The following DIDO1 variants were observed in gnomAD, a reference collection of about 807,000 sequenced individuals.
DIDO1 encodes death-inducer obliterator 1.
DIDO1 carries 16 observed loss-of-function variants against 99.4 expected under a neutral mutation model. The ratio of observed to expected loss-of-function variants is 0.16; its 90% CI spans 0.11 to 0.24. The LOEUF (loss-of-function observed/expected upper bound fraction) is 0.24, where lower values mean the gene tolerates loss of function less well. DIDO1 is among the 10% of genes least tolerant of loss of function. The pLI is 1.00. For missense variants in DIDO1, 2,996 were observed against 3,014.0 expected (o/e 0.99, Z 0.14); for synonymous variants, 1,366 against 1,239.1 (o/e 1.10, Z -2.15).
intron 6 of DIDO1, among the ~76,000 whole-genome samples, chr20:62,899,001 G>C (rs961191685): frequency 6.6e-6 from 1 of 152,134 alleles, no homozygotes; most frequent in South Asian, 2.1e-4. Flanking sequence ...ATAAAAATCA[G>C]TGGAGGCCCT....
At chr20:62,916,744 T>C (rs1361846934) in intron 1 of DIDO1, among the ~76,000 whole-genome samples, 1 of 152,188 alleles carries the variant, frequency 6.6e-6, no homozygotes, top group Non-Finnish European at 1.5e-5. Flanking sequence ...CTCACACAGA[T>C]AGGTCTTTAG....
At chr20:62,922,737 G>A (rs1415112856) in intron 1 of DIDO1, among the ~76,000 whole-genome samples, 1 of 152,212 alleles carries the variant, frequency 6.6e-6, no homozygotes, top group Non-Finnish European at 1.5e-5. Context: ...GTGCTGGCGA[G>A]GGCTTGGAGA....
Position 62,911,295 on chromosome 20 carries a change from G to A in DIDO1, c.318C>T (p.Asp106=), listed in dbSNP as rs200713209. 4.5e-4 allele frequency: 720 copies of A among 1,611,396 alleles called. 14 individuals are homozygous for A. In the South Asian group the frequency reaches 7.4e-3, roughly 17 times the overall value. Residue 106 remains aspartate (D), a synonymous_variant, in exon 3 of 16, where the codon GAC becomes GAT. Coordinates refer to ENST00000395343, the MANE Select transcript of DIDO1 (RefSeq NM_001193369.2). The surrounding 1 kb of genome is among the most constrained non-coding windows in gnomAD (Gnocchi z 7.0). The part of the protein sequence containing the change: ...SGEPTSCPAT[D]AETASEGSVE... Reference sequence around the variant, plus strand: ...CGCTGCCCTCGGAGGCTGTCTCGGCGTCTGTGGCGGGGCAGGACGTGGGCT... The same window carrying A: ...CGCTGCCCTCGGAGGCTGTCTCGGCATCTGTGGCGGGGCAGGACGTGGGCT...
chr20:62,890,729 T>C (rs1379427521), intron 15 of DIDO1: 1 of 1,388,658 alleles, frequency 7.2e-7, no homozygotes, highest in Admixed American at 3.0e-5. Context: ...TGTGGGTTTT[T>C]CCCTCTCTAA....
chr20:62,926,893 G>T (rs1181384158), upstream of DIDO1, among the ~76,000 whole-genome samples: 1 of 152,164 alleles, frequency 6.6e-6, no homozygotes. Context: ...GGCTAAATTT[G>T]TAAGAGGTGT....
At chr20:62,916,801 C>G (rs1431963828) in intron 1 of DIDO1, among the ~76,000 whole-genome samples, 1 of 152,202 alleles carries the variant, frequency 6.6e-6, no homozygotes. Flanking sequence ...TTCACTGATA[C>G]TACACCAACT....
intron 1 of DIDO1, among the ~76,000 whole-genome samples, chr20:62,921,891 CTA>C (rs1430631482): frequency 3.4e-5 from 5 of 148,688 alleles, no homozygotes; most frequent in South Asian, 2.1e-4. Context: ...TATATACACA[CTA>C]TATATATATC....
intron 15 of DIDO1, 134 bp from the exon 16 acceptor site, chr20:62,882,548 C>T (rs1451763407): frequency 1.1e-6 from 1 of 902,798 alleles, no homozygotes; most frequent in Non-Finnish European, 1.6e-6. Flanking sequence ...AAAATAAGAT[C>T]AAGTGTCAAG....
At chr20:62,930,605 G>A (rs1399793440), upstream of DIDO1, among the ~76,000 whole-genome samples, 1 of 152,216 alleles carries the variant, frequency 6.6e-6, no homozygotes, top group Non-Finnish European at 1.5e-5. Context: ...AGGAAAAAGG[G>A]AGGGAAATGA....
chr20:62,928,018 AC>A (rs1648208263), upstream of DIDO1, among the ~76,000 whole-genome samples: 9 of 152,304 alleles, frequency 5.9e-5, no homozygotes, highest in South Asian at 1.9e-3. Context: ...AGGAGGGCTC[AC>A]ATGCTGAGGC....
At chr20:62,889,221 CT>C (rs2064350185) in intron 15 of DIDO1, 13 of 985,488 alleles carry the variant, frequency 1.3e-5, no homozygotes, top group Non-Finnish European at 1.6e-5. Context: ...TGTCCTTTCC[CT>C]CTGCCCCGGG....
chr20:62,916,081 A>G (rs2065032037), intron 1 of DIDO1, among the ~76,000 whole-genome samples: 1 of 152,250 alleles, frequency 6.6e-6, no homozygotes, highest in Non-Finnish European at 1.5e-5. Flanking sequence ...ATGTATATCA[A>G]GGCACAAGCA....
intron 6 of DIDO1, among the ~76,000 whole-genome samples, chr20:62,901,951 G>A (rs536280112): frequency 3.5e-4 from 53 of 152,032 alleles, no homozygotes; most frequent in African/African-American, 1.3e-3. Context: ...CGAGAATGCC[G>A]AGGAGGCTTT....
chr20:62,916,949 T>C (rs1293622857), intron 1 of DIDO1, among the ~76,000 whole-genome samples: 1 of 152,252 alleles, frequency 6.6e-6, no homozygotes, highest in Admixed American at 6.5e-5. Context: ...CCCATGTGCA[T>C]GCTGTTCACC....
At chr20:62,930,939 G>A (rs1247842420), upstream of DIDO1, among the ~76,000 whole-genome samples, 2 of 152,160 alleles carry the variant, frequency 1.3e-5, no homozygotes, top group African/African-American at 4.8e-5. Flanking sequence ...ATGAGCTGCA[G>A]TTTGTGTTGT....
intron 1 of DIDO1, among the ~76,000 whole-genome samples, chr20:62,915,541 T>G (rs2147528414): frequency 6.6e-6 from 1 of 152,320 alleles, no homozygotes; most frequent in East Asian, 1.9e-4. Flanking sequence ...CAGGCTGGAG[T>G]GCAGTGGCCC....
rs1486318756 is a variant in DIDO1, at chr20:62,907,375, G to C, written c.1162-16C>G. The C allele has an allele frequency of 1.9e-6, 3 of 1,610,844 alleles. No homozygotes were observed. The highest frequency in any genetic ancestry group is 3.3e-5 in the Admixed American group (2 of 59,842). On this transcript the variant is annotated splice_polypyrimidine_tract_variant and intron_variant, in intron 4 of 15. Coordinates refer to ENST00000395343, the MANE Select transcript of DIDO1 (RefSeq NM_001193369.2). ...CCTCTATCACCTGCAGAACAAAACA[G>C]ATGACTTCAAACAATGTACTTGCCA...
chr20:62,921,618 T>C (rs1445800835), intron 1 of DIDO1, among the ~76,000 whole-genome samples: 2 of 148,964 alleles, frequency 1.3e-5, no homozygotes, highest in African/African-American at 5.0e-5. Flanking sequence ...CTTCTCAAAT[T>C]GGAGCTGCAG....
chr20:62,928,810 A>C (rs2065293697), upstream of DIDO1: 1 of 152,230 alleles, frequency 6.6e-6, no homozygotes, highest in Admixed American at 6.5e-5. Context: ...CAGGAAGCTT[A>C]ATAGGTGGTC....
Sources: allele counts gnomAD v4.1 joint callset (sites outside exome capture counted in the v4.1 genomes callset), GRCh38; gene constraint gnomAD v4.1.1; non-coding constraint Gnocchi (gnomAD v3.1); transcripts MANE v1.5; gene names NCBI Gene and HGNC (gene_info 2026-07-23, HGNC 2026-07-21).